GPC6: variants seen among roughly 807,000 people sequenced by gnomAD.
GPC6 encodes glypican 6.
A neutral mutation model predicts 55.2 loss-of-function variants in GPC6; 14 were observed. The observed-to-expected ratio is 0.25, with a 90% CI of 0.17 to 0.40. GPC6 has a LOEUF of 0.40. GPC6 is among the 10% of genes least tolerant of loss of function. GPC6 has a pLI of 1.00. For synonymous variants in GPC6, 278 were observed against 259.6 expected, an observed-to-expected ratio of 1.07 and a Z score of -0.68; for missense variants, 641 against 708.5, an observed-to-expected ratio of 0.90 and a Z score of 1.08.
chr13:93,667,437 ATT>A (rs199850025), intron 2 of GPC6, among the ~76,000 whole-genome samples: 9 of 142,668 alleles, frequency 6.3e-5, no homozygotes, highest in Admixed American at 1.4e-4. Context: ...GAAGTTCTGG[ATT>A]TTTTTTTTTT....
chr13:93,351,947 A>C (rs1880647226), intron 1 of GPC6, among the ~76,000 whole-genome samples: 4 of 152,182 alleles, frequency 2.6e-5, no homozygotes. Flanking sequence ...AGTAGAAAAA[A>C]TTCAAGTTTT....
At chr13:93,551,341 C>A (rs1316132418) in intron 2 of GPC6, among the ~76,000 whole-genome samples, 1 of 151,054 alleles carries the variant, frequency 6.6e-6, no homozygotes, top group East Asian at 1.9e-4. Flanking sequence ...AGGGCATAAA[C>A]AAGAAGTGTT....
chr13:94,044,541 T>C (rs1883656317), intron 4 of GPC6, among the ~76,000 whole-genome samples: 1 of 151,970 alleles, frequency 6.6e-6, no homozygotes, highest in Non-Finnish European at 1.5e-5. Flanking sequence ...GGTTAATTAG[T>C]ATTGTTTCCA....
At chr13:93,896,394 A>G (rs111786457) in intron 3 of GPC6, among the ~76,000 whole-genome samples, 2,045 of 152,190 alleles carry the variant, frequency 0.013, 42 homozygotes, top group African/African-American at 0.047. Flanking sequence ...AACATAAGAC[A>G]CCACATTTTT....
At chr13:93,296,691 G>A (rs777709002) in intron 1 of GPC6, among the ~76,000 whole-genome samples, 1 of 152,076 alleles carries the variant, frequency 6.6e-6, no homozygotes, top group Non-Finnish European at 1.5e-5. Context: ...GACTATGTGG[G>A]GGCATCTGAG....
chr13:93,340,292 C>T (rs923776218), intron 1 of GPC6, among the ~76,000 whole-genome samples: 24 of 152,004 alleles, frequency 1.6e-4, no homozygotes, highest in African/African-American at 5.1e-4. Flanking sequence ...CCTCGGCCTC[C>T]CAAAGTGCTG....
chr13:93,454,072 A>C (rs895733207), intron 1 of GPC6, among the ~76,000 whole-genome samples: 2 of 152,066 alleles, frequency 1.3e-5, no homozygotes, highest in African/African-American at 4.8e-5. Flanking sequence ...GATACAGAGT[A>C]TCCACACAAA....
At chr13:93,711,424 C>A (rs1269582907) in intron 2 of GPC6, among the ~76,000 whole-genome samples, 2 of 151,844 alleles carry the variant, frequency 1.3e-5, no homozygotes, top group African/African-American at 4.8e-5. Flanking sequence ...CCTCCTACTG[C>A]CCTCCCTCAC....
intron 4 of GPC6, among the ~76,000 whole-genome samples, chr13:94,198,050 GCACTGATCAAATTATATTTCC>G (rs1275531227): frequency 2.6e-5 from 4 of 152,280 alleles, no homozygotes; most frequent in Non-Finnish European, 5.9e-5. Flanking sequence ...ATGACATGTA[GCACTGATCAAATTATATTTCC>G]CACTGATCAA....
At chr13:93,383,923 C>G (rs4773743) in intron 1 of GPC6, among the ~76,000 whole-genome samples, 29,450 of 151,784 alleles carry the variant, frequency 0.19, 3,439 homozygotes, top group East Asian at 0.54. Flanking sequence ...TTATATTTAA[C>G]CTTTATAAAA....
At chr13:93,584,609 A>G (rs1300803036) in intron 2 of GPC6, among the ~76,000 whole-genome samples, 3 of 152,092 alleles carry the variant, frequency 2.0e-5, no homozygotes, top group East Asian at 3.9e-4. Context: ...AAGAGTATAA[A>G]GAGATCCAAT....
intron 1 of GPC6, among the ~76,000 whole-genome samples, chr13:93,397,050 G>A (rs1187238903): frequency 6.6e-6 from 1 of 152,000 alleles, no homozygotes; most frequent in Non-Finnish European, 1.5e-5. Flanking sequence ...TCCAACCTTT[G>A]ACTATTGTAA....
chr13:93,367,217 C>G (rs182062050), intron 1 of GPC6, among the ~76,000 whole-genome samples: 1 of 152,158 alleles, frequency 6.6e-6, no homozygotes, highest in Admixed American at 6.6e-5. Flanking sequence ...AAGAAATTCA[C>G]TCTTTGTTAA....
chr13:93,540,422 T>C (rs1365650955), intron 1 of GPC6, among the ~76,000 whole-genome samples: 1 of 152,156 alleles, frequency 6.6e-6, no homozygotes, highest in Non-Finnish European at 1.5e-5. Context: ...ATTATTAACT[T>C]GAATTTGATG....
rs531027192 is a variant in GPC6, at chr13:93,791,472, A to G, written c.320-38682A>G. 2.0e-5 allele frequency among the ~76,000 whole-genome samples: 3 copies of G among 152,310 alleles called. No individual in the cohort carries two copies. The South Asian group carries it at 6.2e-4, about 32-fold the overall frequency. On this transcript the variant is annotated intron_variant, in intron 2 of 8. Transcript: ENST00000377047. ...AGTGAAAGGCAGTTATTATACATTT[A>G]TTTCCAAAGAAATTCAAAAGGAAAC...
chr13:93,616,843 T>A (rs1878745021), intron 2 of GPC6, among the ~76,000 whole-genome samples: 1 of 152,114 alleles, frequency 6.6e-6, no homozygotes, highest in African/African-American at 2.4e-5. Flanking sequence ...TTTTTTTGAA[T>A]TATAAGTAAT....
intron 1 of GPC6, among the ~76,000 whole-genome samples, chr13:93,459,171 G>A (rs58442429): frequency 0.22 from 33,424 of 152,092 alleles, 4,169 homozygotes; most frequent in Middle Eastern, 0.37. Flanking sequence ...CAATCCTCCC[G>A]CTTCTACCTT....
chr13:94,233,212 A>AT (rs1297383077), intron 4 of GPC6, among the ~76,000 whole-genome samples: 4 of 151,910 alleles, frequency 2.6e-5, no homozygotes, highest in Non-Finnish European at 5.9e-5. Context: ...TATAAAGGAA[A>AT]TTTTTTTGGA....
intron 1 of GPC6, among the ~76,000 whole-genome samples, chr13:93,310,656 T>C (rs1477281967): frequency 6.6e-6 from 1 of 152,196 alleles, no homozygotes; most frequent in Non-Finnish European, 1.5e-5. Context: ...TACTATATAT[T>C]AAAAATTATT....
Sources: allele counts gnomAD v4.1 joint callset (sites outside exome capture counted in the v4.1 genomes callset), GRCh38; gene constraint gnomAD v4.1.1; transcripts MANE v1.5; gene names NCBI Gene and HGNC (gene_info 2026-07-23, HGNC 2026-07-21).